NSMCE2: variants seen among roughly 807,000 people sequenced by gnomAD.
The protein encoded by NSMCE2 is NSE2 SUMO ligase component of SMC5/6 complex, also known as E3 SUMO-protein ligase NSE2.
In NSMCE2, 24 loss-of-function variants were observed where a neutral mutation model predicts 23.8. The ratio of observed to expected loss-of-function variants is 1.01; its 90% CI spans 0.73 to 1.42. The LOEUF is 1.42. Among genes scored for constraint, NSMCE2 ranks in the 40% most tolerant of loss-of-function variants. The probability of loss-of-function intolerance (pLI) is 0.00; values close to 1 mark genes in which losing one functional copy is unlikely to be tolerated. For synonymous variants in NSMCE2, 92 were observed against 94.1 expected, an observed-to-expected ratio of 0.98 and a Z score of 0.13; for missense variants, 284 against 296.5, an observed-to-expected ratio of 0.96 and a Z score of 0.31.
chr8:125,257,582 G>A (rs546789267), intron 5 of NSMCE2, among the ~76,000 whole-genome samples: 24 of 144,300 alleles, frequency 1.7e-4, no homozygotes, highest in African/African-American at 6.2e-4. Context: ...CGCCCAGGCT[G>A]GAGTGCAGTG....
chr8:125,177,012 AT>A (rs546464225), intron 4 of NSMCE2, among the ~76,000 whole-genome samples: 1 of 152,132 alleles, frequency 6.6e-6, no homozygotes. Flanking sequence ...AGACTTCTCT[AT>A]TTTTTGCCCT....
intron 5 of NSMCE2, among the ~76,000 whole-genome samples, chr8:125,252,251 G>A (rs899093903): frequency 8.5e-5 from 13 of 152,174 alleles, no homozygotes; most frequent in Non-Finnish European, 1.6e-4. Context: ...CCTACCGGCC[G>A]GGCACAGTGG....
intron 3 of NSMCE2, among the ~76,000 whole-genome samples, chr8:125,143,868 A>T (rs941665249): frequency 7.9e-5 from 12 of 152,170 alleles, no homozygotes; most frequent in Admixed American, 7.2e-4. Context: ...TTGTAAAGGT[A>T]AAGAAGTTTT....
At chr8:125,277,861 A>G (rs1827533683) in intron 5 of NSMCE2, among the ~76,000 whole-genome samples, 4 of 152,244 alleles carry the variant, frequency 2.6e-5, no homozygotes, top group South Asian at 2.1e-4. Flanking sequence ...CTGAGAAATC[A>G]TAGAAAACTG....
chr8:125,167,726 G>GA (rs1375855478), intron 4 of NSMCE2, among the ~76,000 whole-genome samples: 2 of 151,598 alleles, frequency 1.3e-5, no homozygotes, highest in African/African-American at 2.4e-5. Flanking sequence ...GACTTGGGGG[G>GA]AAAAATCAGT....
At chr8:125,162,960 T>G (rs1466883729) in intron 4 of NSMCE2, among the ~76,000 whole-genome samples, 1 of 152,184 alleles carries the variant, frequency 6.6e-6, no homozygotes, top group Non-Finnish European at 1.5e-5. Context: ...CATATAACAG[T>G]TCAACAAGTG....
chr8:125,238,243 G>A (rs922574788), intron 5 of NSMCE2, among the ~76,000 whole-genome samples: 26 of 152,120 alleles, frequency 1.7e-4, no homozygotes, highest in Admixed American at 9.2e-4. Flanking sequence ...GGCAGGGAAC[G>A]AGGTTATAGA....
chr8:125,319,479 CTA>C (rs1317352153), intron 5 of NSMCE2, among the ~76,000 whole-genome samples: 2 of 152,058 alleles, frequency 1.3e-5, no homozygotes, highest in Non-Finnish European at 2.9e-5. Context: ...GTTCAGAAAA[CTA>C]TAAGAAAGAT....
At chr8:125,229,998 G>A (rs1825254951) in intron 5 of NSMCE2, among the ~76,000 whole-genome samples, 1 of 152,064 alleles carries the variant, frequency 6.6e-6, no homozygotes, top group Non-Finnish European at 1.5e-5. Flanking sequence ...AGAATCAAAT[G>A]ATAAAACACT....
chr8:125,356,290 C>T (rs114208587), intron 5 of NSMCE2, among the ~76,000 whole-genome samples: 1,633 of 148,112 alleles, frequency 0.011, 37 homozygotes, highest in African/African-American at 0.038. Flanking sequence ...TATGGTAACA[C>T]GTAGTGGGAT....
At chr8:125,209,926 A>T (rs1430860641) in intron 5 of NSMCE2, among the ~76,000 whole-genome samples, 1 of 152,242 alleles carries the variant, frequency 6.6e-6, no homozygotes, top group Non-Finnish European at 1.5e-5. Flanking sequence ...ATGAGATAAC[A>T]CATGAAAGTA....
chr8:125,213,576 CT>C (rs1237068995), intron 5 of NSMCE2, among the ~76,000 whole-genome samples: 2 of 132,518 alleles, frequency 1.5e-5, no homozygotes, highest in Admixed American at 8.0e-5. Context: ...TCCCCCTCCC[CT>C]CTTTCCTTTC....
chr8:125,350,520 AC>A (rs939796441), intron 5 of NSMCE2, among the ~76,000 whole-genome samples: 1 of 152,214 alleles, frequency 6.6e-6, no homozygotes, highest in Admixed American at 6.5e-5. Context: ...ATAAAGACAT[AC>A]CTGAGACTGG....
rs543226098 is a variant in NSMCE2, at chr8:125,336,886, A to G, written c.419-20333A>G. ...TTTAAACTGATCAGTCCTATTGGCAACATAGGCATTCATCCATTCACTCCC... is the reference window on the plus strand; with the variant it reads ...TTTAAACTGATCAGTCCTATTGGCAGCATAGGCATTCATCCATTCACTCCC... On this transcript the variant is annotated intron_variant, in intron 5 of 7. Transcript: ENST00000287437. Among the ~76,000 whole-genome samples, 158 of 152,318 alleles carry G rather than the reference A, an allele frequency of 1.0e-3. 2 individuals carry two copies. In the Middle Eastern group the frequency reaches 0.031, roughly 30 times the overall value.
intron 3 of NSMCE2, among the ~76,000 whole-genome samples, chr8:125,115,028 G>A (rs1040401826): frequency 3.3e-5 from 5 of 152,124 alleles, no homozygotes; most frequent in Non-Finnish European, 2.9e-5. Context: ...GTATGTCCTT[G>A]AGATTAGGAT....
At chr8:125,265,941 T>C (rs907077176) in intron 5 of NSMCE2, among the ~76,000 whole-genome samples, 2 of 152,208 alleles carry the variant, frequency 1.3e-5, no homozygotes. Context: ...TACTTTAAGT[T>C]ATTTGATTTG....
rs540909705 is a variant in NSMCE2 at position 125,336,678 on chromosome 8, A to T, written c.419-20541A>T. ...CATCTGCCATGTGTGGCATTTTACT[A>T]CCTGGTATATGGAAGATTAAATATT... On this transcript the variant is annotated intron_variant, in intron 5 of 7. Coordinates refer to ENST00000287437, the MANE Select transcript of NSMCE2 (RefSeq NM_173685.4). 3.3e-5 allele frequency among the ~76,000 whole-genome samples: 5 copies of T among 152,366 alleles called. No homozygotes were observed. In the South Asian group the frequency reaches 1.0e-3, roughly 32 times the overall value.
At chr8:125,241,147 T>A (rs576017741) in intron 5 of NSMCE2, among the ~76,000 whole-genome samples, 11 of 152,304 alleles carry the variant, frequency 7.2e-5, no homozygotes, top group African/African-American at 1.9e-4. Flanking sequence ...GAGCACGAGG[T>A]CAGTCCTCAA....
rs575823871 is a variant in NSMCE2, at chr8:125,300,191, A to G, written c.419-57028A>G. 1.1e-4 allele frequency among the ~76,000 whole-genome samples: 16 copies of G among 148,588 alleles called. 1 individual carries two copies. The South Asian group carries it at 2.1e-3, about 20-fold the overall frequency. ...CCTCTTTTTTTTTTTTTATTTTGAG[A>G]CAAGTCTAGCTTGGTCGCCCAGGCT... On this transcript the variant is annotated intron_variant, in intron 5 of 7. Coordinates refer to ENST00000287437, the MANE Select transcript of NSMCE2 (RefSeq NM_173685.4).
Sources: gnomAD v4.1 joint callset for allele counts (sites outside exome capture counted in the v4.1 genomes callset) on GRCh38, gnomAD v4.1.1 for gene constraint, MANE v1.5 for transcripts, NCBI Gene and HGNC (gene_info 2026-07-23, HGNC 2026-07-21) for gene names.